Variants in TASP1 observed in about 807,000 individuals in gnomAD.
TASP1 encodes the protein threonine aspartase 1.
Under a neutral mutation model 56.6 loss-of-function variants are expected in TASP1, and 16 were observed. The ratio of observed to expected loss-of-function variants is 0.28; its 90% CI spans 0.19 to 0.43. The LOEUF (loss-of-function observed/expected upper bound fraction) is 0.43. TASP1 is among the 20% of genes least tolerant of loss of function. The pLI is 1.00. For missense variants in TASP1, 393 were observed against 511.6 expected, an observed-to-expected ratio of 0.77 and a Z score of 2.24; for synonymous variants, 179 against 184.2, an observed-to-expected ratio of 0.97 and a Z score of 0.23.
the TASP1 span, among the ~76,000 whole-genome samples, chr20:13,246,272 C>CAAAA: frequency 4.1e-5 from 5 of 121,132 alleles, no homozygotes; most frequent in African/African-American, 1.2e-4. Flanking sequence ...GACTCCATCT[C>CAAAA]AAAAAAAAAA....
intron 6 of TASP1, among the ~76,000 whole-genome samples, chr20:13,572,448 C>A (rs1013260840): frequency 6.6e-5 from 10 of 152,170 alleles, no homozygotes; most frequent in African/African-American, 2.4e-4. Context: ...CTTTGGGAGG[C>A]CGAGGCAAGT....
At chr20:13,146,634 T>C in the TASP1 span, among the ~76,000 whole-genome samples, 1 of 152,202 alleles carries the variant, frequency 6.6e-6, no homozygotes, top group African/African-American at 2.4e-5. Flanking sequence ...TACATCTGTC[T>C]CATGGCACCT....
rs1317785115 is a variant in TASP1, at chr20:13,472,424, G to T, written c.985+10803C>A. Among the ~76,000 whole-genome samples the T allele has an allele frequency of 2.0e-5, 3 of 150,948 alleles. 1 individual carries two copies. The highest frequency in any genetic ancestry group is 2.9e-5 in the Non-Finnish European group (2 of 67,852). On this transcript the variant is annotated intron_variant, in intron 11 of 13. Transcript: ENST00000337743. ...AATACCATTCAGGACATAGGCGTGG[G>T]CAAAGACTTCATGACTAAAACACCA...
At chr20:13,246,400 C>T in the TASP1 span, among the ~76,000 whole-genome samples, 13 of 152,054 alleles carry the variant, frequency 8.5e-5, no homozygotes, top group Admixed American at 2.0e-4. Context: ...TCTGTGGGTA[C>T]GAAGCATCCC....
At chr20:13,145,238 C>T in the TASP1 span, among the ~76,000 whole-genome samples, 37 of 152,192 alleles carry the variant, frequency 2.4e-4, no homozygotes, top group Middle Eastern at 0.01. Context: ...ATCTAGAAAA[C>T]CCCATAGTAC....
chr20:13,221,309 C>T, the TASP1 span, among the ~76,000 whole-genome samples: 2 of 146,540 alleles, frequency 1.4e-5, no homozygotes, highest in Non-Finnish European at 3.0e-5. Flanking sequence ...GGCGGCCGCT[C>T]CCGCTCCAGC....
chr20:13,251,256 C>T, the TASP1 span, among the ~76,000 whole-genome samples: 14 of 152,296 alleles, frequency 9.2e-5, no homozygotes, highest in South Asian at 1.4e-3. Flanking sequence ...TTCCATCTCA[C>T]CCCCCTTCCA....
At chr20:13,561,878 C>A (rs1027361249) in intron 7 of TASP1, among the ~76,000 whole-genome samples, 10 of 149,538 alleles carry the variant, frequency 6.7e-5, no homozygotes, top group South Asian at 2.1e-4. Context: ...ATTGTAACCA[C>A]AAAAAAAAAT....
At chr20:13,624,103 G>T (rs985062127) in intron 3 of TASP1, among the ~76,000 whole-genome samples, 1 of 152,066 alleles carries the variant, frequency 6.6e-6, no homozygotes. Flanking sequence ...GCATAAATTA[G>T]GAGAGGAAAA....
chr20:13,595,368 C>T (rs1320301054), intron 4 of TASP1, among the ~76,000 whole-genome samples: 2 of 152,212 alleles, frequency 1.3e-5, no homozygotes, highest in African/African-American at 4.8e-5. Context: ...CAAATTCACA[C>T]ATCACAATAT....
At chr20:13,254,579 C>T in the TASP1 span, among the ~76,000 whole-genome samples, 1 of 152,132 alleles carries the variant, frequency 6.6e-6, no homozygotes, top group Non-Finnish European at 1.5e-5. Flanking sequence ...GTGACTTGGT[C>T]ACAGGCAGGT....
At chr20:13,301,249 C>T in the TASP1 span, among the ~76,000 whole-genome samples, 1 of 152,106 alleles carries the variant, frequency 6.6e-6, no homozygotes, top group Non-Finnish European at 1.5e-5. Context: ...AGTGCAGTGA[C>T]GTGATCTTGA....
At chr20:13,536,141 C>G (rs917841935) in intron 8 of TASP1, among the ~76,000 whole-genome samples, 3 of 152,148 alleles carry the variant, frequency 2.0e-5, no homozygotes, top group African/African-American at 7.2e-5. Context: ...TTAATGTGCA[C>G]ACACATCATC....
chr20:13,116,153 T>G, the TASP1 span, among the ~76,000 whole-genome samples: 1 of 151,754 alleles, frequency 6.6e-6, no homozygotes, highest in East Asian at 1.9e-4. Flanking sequence ...CACCCGTTGG[T>G]CTGGGTGACT....
intron 12 of TASP1, among the ~76,000 whole-genome samples, chr20:13,424,293 T>C (rs1231150761): frequency 6.6e-6 from 1 of 152,138 alleles, no homozygotes; most frequent in Non-Finnish European, 1.5e-5. Context: ...TTTGCTCAAA[T>C]ACGGTTACAT....
At chr20:13,456,661 A>G (rs1270139735) in intron 11 of TASP1, among the ~76,000 whole-genome samples, 1 of 152,100 alleles carries the variant, frequency 6.6e-6, no homozygotes, top group Non-Finnish European at 1.5e-5. Context: ...TCCATTTTTC[A>G]TGAACTTTTT....
chr20:13,291,419 G>T, the TASP1 span, among the ~76,000 whole-genome samples: 1 of 152,210 alleles, frequency 6.6e-6, no homozygotes, highest in Admixed American at 6.5e-5. Context: ...AGTTTGTCCT[G>T]TAGGTCAACC....
At chr20:13,354,496 T>C in the TASP1 span, among the ~76,000 whole-genome samples, 4 of 152,098 alleles carry the variant, frequency 2.6e-5, no homozygotes, top group South Asian at 4.1e-4. Context: ...AATGAAACAA[T>C]TGAGTTTTAA....
At chr20:13,142,257 C>A in the TASP1 span, among the ~76,000 whole-genome samples, 1 of 152,190 alleles carries the variant, frequency 6.6e-6, no homozygotes, top group Admixed American at 6.5e-5. Context: ...TCCTTCCAGC[C>A]GTCCCACAAA....
Sources: gnomAD v4.1 joint callset for allele counts (sites outside exome capture counted in the v4.1 genomes callset) on GRCh38, gnomAD v4.1.1 for gene constraint, MANE v1.5 for transcripts, NCBI Gene and HGNC (gene_info 2026-07-23, HGNC 2026-07-21) for gene names.